Variants in FRMD6 observed in about 807,000 individuals in gnomAD.
FRMD6 encodes the protein FERM domain-containing protein 6.
FRMD6 carries 37 observed loss-of-function variants against 73.2 expected under a neutral mutation model. The observed-to-expected ratio is 0.51, with a 90% CI of 0.39 to 0.66. The LOEUF (loss-of-function observed/expected upper bound fraction) is 0.66, where lower values mean the gene tolerates loss of function less well. Among genes scored for constraint, FRMD6 ranks in the 30% least tolerant of loss-of-function variants. The pLI is 0.00. For synonymous variants in FRMD6, 273 were observed against 282.2 expected (o/e 0.97, Z 0.33); for missense variants, 714 against 780.5 (o/e 0.91, Z 1.02).
At chr14:51,560,496 T>C (rs1330608296) in intron 1 of FRMD6, among the ~76,000 whole-genome samples, 2 of 152,150 alleles carry the variant, frequency 1.3e-5, no homozygotes, top group East Asian at 3.8e-4. Context: ...TGTTTGTCTG[T>C]TTTTTGAGAC....
intron 1 of FRMD6, among the ~76,000 whole-genome samples, chr14:51,509,923 G>A (rs1056835142): frequency 2.0e-5 from 3 of 152,170 alleles, no homozygotes; most frequent in Admixed American, 6.5e-5. Context: ...ACTGCCCTGC[G>A]CGTACGTGTA....
chr14:51,589,350 G>A (rs571325975), intron 2 of FRMD6, among the ~76,000 whole-genome samples: 1 of 25,170 alleles, frequency 4.0e-5, no homozygotes, highest in Non-Finnish European at 1.1e-4. Flanking sequence ...TTTGTTTTTG[G>A]TTTTTTTTGT....
the FRMD6 span, among the ~76,000 whole-genome samples, chr14:51,471,445 T>G: frequency 9.3e-5 from 14 of 149,848 alleles, no homozygotes; most frequent in Non-Finnish European, 1.5e-4. Flanking sequence ...AGCTTGCAGT[T>G]AGCCGAGATA....
At chr14:51,408,050 GT>G in the FRMD6 span, among the ~76,000 whole-genome samples, 1 of 151,856 alleles carries the variant, frequency 6.6e-6, no homozygotes, top group African/African-American at 2.4e-5. Flanking sequence ...ATTTGACTAG[GT>G]TGTCTTAATC....
chr14:51,545,844 A>C (rs1163300201), intron 1 of FRMD6, among the ~76,000 whole-genome samples: 1 of 152,158 alleles, frequency 6.6e-6, no homozygotes, highest in African/African-American at 2.4e-5. Context: ...TACTAGCAGC[A>C]TACAAGGGAA....
At chr14:51,715,296 T>C in intron 9 of FRMD6, 29 bp from the exon 10 acceptor site, 1 of 1,450,858 alleles carries the variant, frequency 6.9e-7, no homozygotes, top group Non-Finnish European at 9.2e-7. Context: ...TTTTTCTTCC[T>C]GAATTTGATT....
chr14:51,404,440 C>A, the FRMD6 span, among the ~76,000 whole-genome samples: 5 of 152,088 alleles, frequency 3.3e-5, no homozygotes, highest in Admixed American at 2.6e-4. Context: ...ATGGGTTGAG[C>A]TTTTAAGTCT....
chr14:51,667,671 T>A (rs1485321731), intron 1 of FRMD6, among the ~76,000 whole-genome samples: 1 of 152,136 alleles, frequency 6.6e-6, no homozygotes, highest in Non-Finnish European at 1.5e-5. Context: ...TTCAGAAACA[T>A]TGACATGTTT....
intron 2 of FRMD6, among the ~76,000 whole-genome samples, chr14:51,600,216 C>A (rs1211005251): frequency 6.6e-6 from 1 of 152,116 alleles, no homozygotes; most frequent in Non-Finnish European, 1.5e-5. Flanking sequence ...GTTACTTGAA[C>A]ACAGACACAG....
chr14:51,605,263 T>A (rs993167395), intron 2 of FRMD6, among the ~76,000 whole-genome samples: 5 of 151,672 alleles, frequency 3.3e-5, no homozygotes, highest in African/African-American at 9.7e-5. Flanking sequence ...GGTCTGGTTT[T>A]CCTAGGCAGA....
Position 51,728,555 on chromosome 14 carries a change from G to C in FRMD6, c.*526G>C, listed in dbSNP as rs1201352627. On this transcript the variant is annotated 3_prime_UTR_variant, in exon 14 of 14. Transcript: ENST00000344768. ...CTGTCCCAAAGTGAACACTGATGGA[G>C]TGGTCAAAATCATAAGGTTGTAGCA... 1.3e-5 allele frequency: 2 copies of C among 158,572 alleles called. No individual in the cohort carries two copies. The highest frequency in any genetic ancestry group is 2.8e-5 in the Non-Finnish European group (2 of 71,112). The allele number at this position is 158,572 out of a possible 1,614,324, so 9.8% of individuals were successfully genotyped here.
chr14:51,587,013 C>T (rs1398325122), intron 2 of FRMD6, among the ~76,000 whole-genome samples: 2 of 152,220 alleles, frequency 1.3e-5, no homozygotes, highest in Non-Finnish European at 2.9e-5. Flanking sequence ...GCCTTGGCCT[C>T]TCAAAGTGCT....
chr14:51,670,844 G>T (rs182224699), intron 1 of FRMD6, among the ~76,000 whole-genome samples: 49 of 151,922 alleles, frequency 3.2e-4, no homozygotes, highest in Admixed American at 9.2e-4. Flanking sequence ...ATGGGGTTTC[G>T]TCATGTTGGC....
At chr14:51,608,249 G>T (rs3890427) in intron 2 of FRMD6, among the ~76,000 whole-genome samples, 42,322 of 151,948 alleles carry the variant, frequency 0.28, 7,051 homozygotes, top group African/African-American at 0.47. Context: ...GGGATCCTTT[G>T]CCAGAGAGAG....
intron 1 of FRMD6, among the ~76,000 whole-genome samples, chr14:51,514,700 T>A (rs1884520419): frequency 6.6e-6 from 1 of 151,938 alleles, no homozygotes; most frequent in African/African-American, 2.4e-5. Context: ...ACACAAAAAT[T>A]AGCTGGGCAT....
chr14:51,687,818 A>G (rs181949793), intron 1 of FRMD6, among the ~76,000 whole-genome samples: 162 of 152,260 alleles, frequency 1.1e-3, no homozygotes, highest in Middle Eastern at 3.4e-3. Flanking sequence ...TATTATAAAG[A>G]TGATGTGATA....
At chr14:51,698,077 G>T (rs1056194755) in intron 2 of FRMD6, 65 bp from the exon 3 acceptor site, 2 of 1,171,372 alleles carry the variant, frequency 1.7e-6, no homozygotes, top group African/African-American at 1.5e-5. Context: ...TAAATTGCCT[G>T]ATTGTGGCTC....
At chr14:51,545,329 CTG>C (rs1435241350) in intron 1 of FRMD6, among the ~76,000 whole-genome samples, 3 of 152,056 alleles carry the variant, frequency 2.0e-5, no homozygotes, top group Non-Finnish European at 2.9e-5. Flanking sequence ...ACACTCCACT[CTG>C]TACTCCAGAG....
At chr14:51,563,432 G>A (rs1341787443) in intron 1 of FRMD6, among the ~76,000 whole-genome samples, 2 of 152,180 alleles carry the variant, frequency 1.3e-5, no homozygotes, top group East Asian at 3.9e-4. Context: ...CACTTTGGGA[G>A]GCTGAAGAGG....
Sources: gnomAD v4.1 joint callset for allele counts (sites outside exome capture counted in the v4.1 genomes callset) on GRCh38, gnomAD v4.1.1 for gene constraint, MANE v1.5 for transcripts, NCBI Gene and HGNC (gene_info 2026-07-23, HGNC 2026-07-21) for gene names.